CDH12: variants seen among roughly 807,000 people sequenced by gnomAD.
CDH12 encodes cadherin-12.
A neutral mutation model predicts 74.1 loss-of-function variants in CDH12; 41 were observed. The observed-to-expected ratio is 0.55, with a 90% confidence interval of 0.43 to 0.72. The LOEUF (loss-of-function observed/expected upper bound fraction) is 0.72. Ranked by LOEUF, CDH12 falls within the 30% of genes least tolerant of loss-of-function variation. The pLI, the probability that CDH12 is intolerant of heterozygous loss-of-function variation, is 0.00. For synonymous variants in CDH12, 399 were observed against 355.0 expected (o/e 1.12, Z -1.39); for missense variants, 945 against 977.2 (o/e 0.97, Z 0.44).
At chr5:21,771,688 C>T (rs952828609) in intron 11 of CDH12, among the ~76,000 whole-genome samples, 2 of 151,842 alleles carry the variant, frequency 1.3e-5, no homozygotes, top group Non-Finnish European at 1.5e-5. Context: ...TTATCAGACC[C>T]AAAAAGGTAC....
intron 1 of CDH12, among the ~76,000 whole-genome samples, chr5:22,734,945 AAC>A (rs1157117683): frequency 1.3e-5 from 2 of 151,926 alleles, no homozygotes; most frequent in Non-Finnish European, 2.9e-5. Context: ...TTCCTTCAAA[AAC>A]AGTCTCATTT....
At chr5:22,075,203 C>T (rs886274819) in intron 5 of CDH12, among the ~76,000 whole-genome samples, 3 of 150,872 alleles carry the variant, frequency 2.0e-5, no homozygotes, top group Admixed American at 1.3e-4. Flanking sequence ...AGCAAACTAT[C>T]GCAAGGACAA....
intron 6 of CDH12, among the ~76,000 whole-genome samples, chr5:21,960,665 T>C (rs1164824955): frequency 6.6e-6 from 1 of 152,132 alleles, no homozygotes; most frequent in Non-Finnish European, 1.5e-5. Flanking sequence ...TCACCTTTAC[T>C]GGGATTCACT....
chr5:22,228,359 G>A (rs1278705517), intron 3 of CDH12, among the ~76,000 whole-genome samples: 1 of 152,102 alleles, frequency 6.6e-6, no homozygotes, highest in African/African-American at 2.4e-5. Flanking sequence ...AGACCATGGT[G>A]TGTGTATAAG....
At chr5:22,430,245 T>C (rs1744111957) in intron 2 of CDH12, among the ~76,000 whole-genome samples, 1 of 152,112 alleles carries the variant, frequency 6.6e-6, no homozygotes, top group East Asian at 1.9e-4. Context: ...TAGTAGTGCT[T>C]TCCAGAGATA....
At chr5:21,945,921 A>G (rs1755558590) in intron 6 of CDH12, among the ~76,000 whole-genome samples, 1 of 152,128 alleles carries the variant, frequency 6.6e-6, no homozygotes, top group African/African-American at 2.4e-5. Flanking sequence ...ATAAACCTAA[A>G]TATTCAAGAA....
intron 1 of CDH12, among the ~76,000 whole-genome samples, chr5:22,766,825 T>C (rs978288406): frequency 2.6e-5 from 4 of 152,106 alleles, no homozygotes; most frequent in African/African-American, 9.7e-5. Context: ...TGAGTTAAAG[T>C]GTATGGGAGG....
intron 7 of CDH12, among the ~76,000 whole-genome samples, chr5:21,854,364 G>T (rs1038267744): frequency 2.0e-5 from 3 of 151,568 alleles, no homozygotes; most frequent in Admixed American, 6.6e-5. Flanking sequence ...GAAATGAAAA[G>T]CTATTATAGC....
intron 4 of CDH12, among the ~76,000 whole-genome samples, chr5:22,189,849 T>TC (rs1750166500): frequency 1.5e-4 from 1 of 6,464 alleles, no homozygotes; most frequent in Non-Finnish European, 0.011. Flanking sequence ...TTACCACATC[T>TC]TCCCCCCGCC....
At chr5:21,972,195 A>G (rs1278352547) in intron 6 of CDH12, among the ~76,000 whole-genome samples, 1 of 152,092 alleles carries the variant, frequency 6.6e-6, no homozygotes, top group Admixed American at 6.5e-5. Context: ...TCTTCATCTT[A>G]TGTTTTATGT....
intron 4 of CDH12, among the ~76,000 whole-genome samples, chr5:22,192,317 C>T (rs1750353359): frequency 2.0e-5 from 3 of 152,072 alleles, no homozygotes; most frequent in Non-Finnish European, 4.4e-5. Context: ...CTGCAAGGAA[C>T]TTATAATCTC....
intron 2 of CDH12, among the ~76,000 whole-genome samples, chr5:22,439,187 T>C (rs1305972433): frequency 2.0e-5 from 3 of 151,916 alleles, no homozygotes; most frequent in Non-Finnish European, 4.4e-5. Context: ...GATTAATACA[T>C]ATAATTATTA....
chr5:21,899,877 C>A (rs1301477611), intron 6 of CDH12, among the ~76,000 whole-genome samples: 3 of 151,570 alleles, frequency 2.0e-5, no homozygotes, highest in Admixed American at 6.6e-5. Context: ...TTTGTTCTTA[C>A]AATAATCACT....
chr5:22,768,860 C>G (rs1465968830), intron 1 of CDH12, among the ~76,000 whole-genome samples: 2 of 152,094 alleles, frequency 1.3e-5, no homozygotes, highest in East Asian at 3.9e-4. Context: ...TAAAATTAAA[C>G]AAGTATTTCA....
intron 5 of CDH12, among the ~76,000 whole-genome samples, chr5:22,009,815 T>C (rs1737187564): frequency 6.6e-6 from 1 of 150,718 alleles, no homozygotes; most frequent in Non-Finnish European, 1.5e-5. Flanking sequence ...TCATCTTTAC[T>C]AAAAATGCAA....
chr5:22,506,985 T>C (rs1260360306), intron 1 of CDH12, among the ~76,000 whole-genome samples: 2 of 152,156 alleles, frequency 1.3e-5, no homozygotes, highest in Non-Finnish European at 2.9e-5. Context: ...CTCAGTAATA[T>C]ATCAAGAGTG....
chr5:21,880,677 T>TTCTTTCTTTCTTTC (rs1752296101), intron 6 of CDH12, among the ~76,000 whole-genome samples: 1 of 132,086 alleles, frequency 7.6e-6, no homozygotes, highest in Admixed American at 7.9e-5. Flanking sequence ...CTTTCTTTCT[T>TTCTTTCTTTCTTTC]TCTTTCTTTC....
intron 6 of CDH12, among the ~76,000 whole-genome samples, chr5:21,904,696 C>T (rs752701563): frequency 1.3e-5 from 2 of 152,082 alleles, no homozygotes; most frequent in Non-Finnish European, 2.9e-5. Context: ...AAAAGGATTG[C>T]TTGAGCCCAA....
Position 22,761,339 on chromosome 5 carries a change from G to C in CDH12, c.-523+91719C>G, listed in dbSNP as rs540042489. Among the ~76,000 whole-genome samples, 56 of 152,218 alleles carry C rather than the reference G, an allele frequency of 3.7e-4. 1 individual carries two copies. The Middle Eastern group carries it at 0.024, about 65-fold the overall frequency. On this transcript the variant is annotated intron_variant, in intron 1 of 14. Coordinates refer to ENST00000382254, the MANE Select transcript of CDH12 (RefSeq NM_004061.5). ...CAATTTCTTTTAAATCTTTATGAAAGCATCTTGAAAGCAACTCATTCTTAT... is the reference window on the plus strand; with the variant it reads ...CAATTTCTTTTAAATCTTTATGAAACCATCTTGAAAGCAACTCATTCTTAT...
Sources: gnomAD v4.1 joint callset for allele counts (sites outside exome capture counted in the v4.1 genomes callset) on GRCh38, gnomAD v4.1.1 for gene constraint, MANE v1.5 for transcripts, NCBI Gene and HGNC (gene_info 2026-07-23, HGNC 2026-07-21) for gene names.